The following SCEL variants were observed in gnomAD, a reference collection of about 807,000 sequenced individuals.
SCEL encodes the protein sciellin.
A neutral mutation model predicts 117.6 loss-of-function variants in SCEL; 113 were observed. The ratio of observed to expected loss-of-function variants is 0.96; its 90% confidence interval spans 0.83 to 1.12. The LOEUF (loss-of-function observed/expected upper bound fraction) is 1.12. Among genes scored for constraint, SCEL ranks in the 50% most tolerant of loss-of-function variants. The probability of loss-of-function intolerance (pLI) is 0.00; values close to 1 mark genes in which losing one functional copy is unlikely to be tolerated. For missense variants in SCEL, 785 were observed against 810.8 expected (o/e 0.97, Z 0.39); for synonymous variants, 270 against 256.2 (o/e 1.05, Z -0.51).
chr13:77,543,668 C>T (rs895538663), intron 1 of SCEL, among the ~76,000 whole-genome samples: 7 of 152,168 alleles, frequency 4.6e-5, no homozygotes, highest in African/African-American at 1.4e-4. Context: ...ATGTTTAGTT[C>T]CCACTTATAA....
intron 30 of SCEL, among the ~76,000 whole-genome samples, chr13:77,639,304 A>G (rs1474948792): frequency 6.6e-6 from 1 of 152,234 alleles, no homozygotes; most frequent in Non-Finnish European, 1.5e-5. Context: ...CTAGGTAGCT[A>G]TAAGCAAGTG....
intron 11 of SCEL, among the ~76,000 whole-genome samples, chr13:77,592,896 A>G (rs539534955): frequency 6.6e-6 from 1 of 151,966 alleles, no homozygotes; most frequent in East Asian, 1.9e-4. Flanking sequence ...GAATTTTCCT[A>G]ATTGTTCCTT....
At chr13:77,552,586 G>A (rs1363458180) in intron 1 of SCEL, among the ~76,000 whole-genome samples, 2 of 152,126 alleles carry the variant, frequency 1.3e-5, no homozygotes, top group African/African-American at 2.4e-5. Flanking sequence ...TGTAGATTCT[G>A]GATATTAGCC....
intron 24 of SCEL, among the ~76,000 whole-genome samples, 160 bp from the exon 25 acceptor site, chr13:77,617,439 A>T (rs1249178637): frequency 6.6e-6 from 1 of 152,176 alleles, no homozygotes; most frequent in Non-Finnish European, 1.5e-5. Flanking sequence ...CTGATAAAGC[A>T]TAATTCTTCA....
intron 29 of SCEL, among the ~76,000 whole-genome samples, chr13:77,636,732 T>C (rs901748201): frequency 6.6e-6 from 1 of 152,346 alleles, no homozygotes; most frequent in Middle Eastern, 3.4e-3. Context: ...TCAGTTTCTC[T>C]CTGTGAATGG....
At chr13:77,618,917 A>G (rs1337005108) in intron 27 of SCEL, among the ~76,000 whole-genome samples, 5 of 152,124 alleles carry the variant, frequency 3.3e-5, no homozygotes, top group Non-Finnish European at 5.9e-5. Flanking sequence ...AATATTACCA[A>G]TTTTAACCAT....
intron 9 of SCEL, among the ~76,000 whole-genome samples, chr13:77,580,596 T>G (rs1008565782): frequency 6.6e-6 from 1 of 152,346 alleles, no homozygotes; most frequent in East Asian, 1.9e-4. Context: ...ATTCAGTGGT[T>G]AAATGGCATG....
chr13:77,544,365 A>G (rs2083883991), intron 1 of SCEL, among the ~76,000 whole-genome samples: 1 of 152,170 alleles, frequency 6.6e-6, no homozygotes, highest in African/African-American at 2.4e-5. Flanking sequence ...GAAAGTTAGC[A>G]GGGAGTGGTA....
intron 15 of SCEL, among the ~76,000 whole-genome samples, chr13:77,601,246 G>C (rs2087663578): frequency 6.6e-6 from 1 of 151,914 alleles, no homozygotes; most frequent in African/African-American, 2.4e-5. Flanking sequence ...TGCATCTTAA[G>C]TAGATCATTT....
At chr13:77,628,680 A>C (rs2089888350) in intron 28 of SCEL, among the ~76,000 whole-genome samples, 1 of 152,172 alleles carries the variant, frequency 6.6e-6, no homozygotes, top group Non-Finnish European at 1.5e-5. Flanking sequence ...TTTCACCTTC[A>C]TAGGTGCAGT....
chr13:77,615,181 G>A (rs2088932144), intron 24 of SCEL, among the ~76,000 whole-genome samples: 1 of 152,000 alleles, frequency 6.6e-6, no homozygotes. Context: ...TGGAGTCCTA[G>A]GAGGAGATGT....
chr13:77,549,993 C>A (rs1373471332), intron 1 of SCEL, among the ~76,000 whole-genome samples: 1 of 150,894 alleles, frequency 6.6e-6, no homozygotes, highest in Non-Finnish European at 1.5e-5. Flanking sequence ...TCAAAGATGG[C>A]CTGGCCTGCT....
At chr13:77,641,383 A>G (rs920264330) in intron 31 of SCEL, among the ~76,000 whole-genome samples, 17 of 152,330 alleles carry the variant, frequency 1.1e-4, no homozygotes, top group African/African-American at 3.8e-4. Context: ...GTGTAACTGC[A>G]TAAGCAGTAA....
At chr13:77,571,507 G>A (rs1022671986) in intron 8 of SCEL, among the ~76,000 whole-genome samples, 1 of 151,796 alleles carries the variant, frequency 6.6e-6, no homozygotes, top group Non-Finnish European at 1.5e-5. Flanking sequence ...TGACCAACAT[G>A]GAGAAACCCC....
chr13:77,636,372 C>G (rs953479021), intron 29 of SCEL, among the ~76,000 whole-genome samples: 1 of 152,128 alleles, frequency 6.6e-6, no homozygotes, highest in Admixed American at 6.6e-5. Context: ...CAGTCTGCCT[C>G]CAGGAAATTT....
intron 27 of SCEL, among the ~76,000 whole-genome samples, chr13:77,622,127 C>T (rs750984658): frequency 3.3e-4 from 50 of 152,266 alleles, no homozygotes; most frequent in South Asian, 6.2e-4. Context: ...TTTGAACTAA[C>T]GCCTAATGCC....
chr13:77,628,170 G>GTATATATATATATATATATA (rs67297453), intron 28 of SCEL, among the ~76,000 whole-genome samples, 161 bp downstream of exon 28: 1 of 139,740 alleles, frequency 7.2e-6, no homozygotes, highest in African/African-American at 2.7e-5. Flanking sequence ...ATATGTGTGT[G>GTATATATATATATATATATA]TATATATATA....
intron 32 of SCEL, 111 bp from the exon 33 acceptor site, chr13:77,644,147 A>G (rs2090689783): frequency 8.5e-7 from 1 of 1,181,350 alleles, no homozygotes; most frequent in East Asian, 2.4e-5. Context: ...TGGAAGGAAA[A>G]GTGGAATCCT....
chr13:77,636,094 G>C (rs2090264632), intron 29 of SCEL, among the ~76,000 whole-genome samples: 1 of 152,218 alleles, frequency 6.6e-6, no homozygotes, highest in African/African-American at 2.4e-5. Flanking sequence ...TAGCAAGGAT[G>C]GTGATGTACC....
Sources: allele counts gnomAD v4.1 joint callset (sites outside exome capture counted in the v4.1 genomes callset), GRCh38; gene constraint gnomAD v4.1.1; transcripts MANE v1.5; gene names NCBI Gene and HGNC (gene_info 2026-07-23, HGNC 2026-07-21).